The following ANKFN1 variants were observed in gnomAD, a reference collection of about 807,000 sequenced individuals.
ANKFN1 encodes the protein ankyrin repeat and fibronectin type III domain containing 1, also known as ankyrin repeat and fibronectin type-III domain-containing protein 1.
Under a neutral mutation model 108.7 loss-of-function variants are expected in ANKFN1, and 74 were observed. The observed-to-expected ratio is 0.68, with a 90% CI of 0.56 to 0.83. The LOEUF (loss-of-function observed/expected upper bound fraction) is 0.83, where lower values mean the gene tolerates loss of function less well. ANKFN1 is among the 40% of genes least tolerant of loss of function. The pLI is 0.00. For missense variants in ANKFN1, 1,505 were observed against 1,382.3 expected (o/e 1.09, Z -1.41); for synonymous variants, 547 against 516.2 (o/e 1.06, Z -0.81).
intron 1 of ANKFN1, among the ~76,000 whole-genome samples, chr17:56,194,523 T>G (rs1322214215): frequency 6.6e-6 from 1 of 152,204 alleles, no homozygotes; most frequent in Non-Finnish European, 1.5e-5. Flanking sequence ...TGATTCCAAC[T>G]ATATGACTTT....
intron 1 of ANKFN1, among the ~76,000 whole-genome samples, chr17:56,166,042 C>T (rs1420791928): frequency 1.3e-5 from 2 of 152,166 alleles, no homozygotes; most frequent in African/African-American, 2.4e-5. Context: ...GAAAAACTTG[C>T]AGAGCTTCCC....
chr17:56,411,367 G>T (rs1406601995), intron 8 of ANKFN1, among the ~76,000 whole-genome samples: 1 of 152,086 alleles, frequency 6.6e-6, no homozygotes, highest in South Asian at 2.1e-4. Context: ...GAATGTATCA[G>T]TTCTACAGGT....
At chr17:56,399,468 C>T (rs2047684666) in intron 8 of ANKFN1, among the ~76,000 whole-genome samples, 3 of 151,642 alleles carry the variant, frequency 2.0e-5, no homozygotes, top group South Asian at 4.1e-4. Context: ...GTCATAACCC[C>T]TTATTTAGGC....
intron 4 of ANKFN1, among the ~76,000 whole-genome samples, chr17:56,084,552 T>A (rs2143174388): frequency 6.6e-6 from 1 of 151,484 alleles, no homozygotes; most frequent in South Asian, 2.1e-4. Context: ...TCTGAAAATA[T>A]CGAGCTGTGC....
At chr17:56,217,041 T>A (rs1915473784) in intron 2 of ANKFN1, among the ~76,000 whole-genome samples, 1 of 152,206 alleles carries the variant, frequency 6.6e-6, no homozygotes, top group South Asian at 2.1e-4. Flanking sequence ...TGCAAAATCC[T>A]GGGAGATAAC....
intron 8 of ANKFN1, among the ~76,000 whole-genome samples, chr17:56,376,162 C>A (rs1258302680): frequency 6.6e-6 from 1 of 152,056 alleles, no homozygotes; most frequent in South Asian, 2.1e-4. Context: ...AGTGCACATG[C>A]CTTCCTTTCT....
chr17:56,262,266 A>G (rs1272398208), intron 3 of ANKFN1, among the ~76,000 whole-genome samples: 3 of 152,214 alleles, frequency 2.0e-5, no homozygotes, highest in Non-Finnish European at 4.4e-5. Context: ...CATCTGGGGC[A>G]TCCTGCTCCT....
intron 4 of ANKFN1, among the ~76,000 whole-genome samples, chr17:56,348,603 C>G (rs2046165880): frequency 6.6e-6 from 1 of 152,072 alleles, no homozygotes; most frequent in African/African-American, 2.4e-5. Context: ...AAGACATGAA[C>G]AGACACTTCT....
intron 4 of ANKFN1, among the ~76,000 whole-genome samples, chr17:56,098,836 A>T (rs1905584430): frequency 6.7e-6 from 1 of 150,230 alleles, no homozygotes; most frequent in Admixed American, 6.7e-5. Context: ...GTAAATCTCT[A>T]GAAGTCAGAG....
At chr17:56,145,741 A>G (rs1908218484) in intron 4 of ANKFN1, among the ~76,000 whole-genome samples, 1 of 152,206 alleles carries the variant, frequency 6.6e-6, no homozygotes, top group Non-Finnish European at 1.5e-5. Flanking sequence ...TCACATTTCA[A>G]AACCAATCAT....
chr17:56,332,979 G>GTATATATATA lies in ANKFN1; in HGVS notation c.188+6636_188+6645dup, dbSNP rs61494269. On this transcript the variant is annotated intron_variant, in intron 4 of 20. Coordinates refer to ENST00000682825, the MANE Select transcript of ANKFN1 (RefSeq NM_001370326.1). ...ATGAACAAGGTGTGTATATATGTGT[G>GTATATATATA]TATATATATATATATATATATCTTC... Among the ~76,000 whole-genome samples the GTATATATATA allele has an allele frequency of 6.1e-3, 907 of 147,792 alleles. 7 individuals are homozygous for GTATATATATA. Among genetic ancestry groups the GTATATATATA allele is most frequent in the African/African-American group, 0.02 (772 of 39,536 alleles).
chr17:56,145,095 A>G lies in ANKFN1; in HGVS notation c.289-82822A>G, dbSNP rs563480946. Among the ~76,000 whole-genome samples, 8 of 152,298 alleles carry G rather than the reference A, an allele frequency of 5.3e-5. No homozygotes were observed. The South Asian group carries it at 1.5e-3, about 28-fold the overall frequency. On this transcript the variant is annotated intron_variant, in intron 4 of 12. Transcript: ENST00000635860. ...CGTTGCCTTGGCAGAAACACTGCCC[A>G]CACAAAAGGGGTAGGTGTTTTTAAT...
chr17:56,091,719 G>A (rs990010740), intron 4 of ANKFN1, among the ~76,000 whole-genome samples: 6 of 151,462 alleles, frequency 4.0e-5, no homozygotes, highest in African/African-American at 1.2e-4. Context: ...ATCAAAGAGG[G>A]AGATGCTCAG....
intron 14 of ANKFN1, among the ~76,000 whole-genome samples, chr17:56,462,723 C>G (rs2049948856): frequency 6.6e-6 from 1 of 152,188 alleles, no homozygotes; most frequent in Non-Finnish European, 1.5e-5. Flanking sequence ...ACTCTCCTCT[C>G]CTTTCCAGTT....
Position 56,177,590 on chromosome 17 carries a change from A to G in ANKFN1, c.-71+24060A>G, listed in dbSNP as rs191589424. ...CACACATCAGTGACTCCCACGTTCCAGATGACTTAGTTGCAGGAATCAGAA... is the reference window on the plus strand; with the variant it reads ...CACACATCAGTGACTCCCACGTTCCGGATGACTTAGTTGCAGGAATCAGAA... On this transcript the variant is annotated intron_variant, in intron 1 of 20. Coordinates refer to ENST00000682825, the MANE Select transcript of ANKFN1 (RefSeq NM_001370326.1). Among the ~76,000 whole-genome samples the G allele has an allele frequency of 2.0e-5, 3 of 152,342 alleles. No homozygotes were observed. The East Asian group carries it at 5.8e-4, about 29-fold the overall frequency.
chr17:56,326,486 G>A, intron 4 of ANKFN1, 131 bp downstream of exon 4: 2 of 1,183,764 alleles, frequency 1.7e-6, no homozygotes, highest in Non-Finnish European at 2.3e-6. Context: ...AAAGTTAGCT[G>A]CAGGTGGTCC....
chr17:56,165,118 T>C (rs749082756), intron 1 of ANKFN1, among the ~76,000 whole-genome samples: 6 of 152,212 alleles, frequency 3.9e-5, no homozygotes, highest in Non-Finnish European at 7.3e-5. Flanking sequence ...GAATGAAAAT[T>C]GATATTGCTT....
At chr17:56,432,994 A>C (rs1436856583) in intron 8 of ANKFN1, among the ~76,000 whole-genome samples, 4 of 152,160 alleles carry the variant, frequency 2.6e-5, no homozygotes, top group Non-Finnish European at 5.9e-5. Context: ...GGAAAAATCT[A>C]TATATATAGA....
intron 8 of ANKFN1, among the ~76,000 whole-genome samples, chr17:56,399,865 A>G (rs1201251016): frequency 7.0e-6 from 1 of 143,412 alleles, no homozygotes; most frequent in Non-Finnish European, 1.5e-5. Context: ...ATATATATAT[A>G]TATATGTATC....
Sources: allele counts gnomAD v4.1 joint callset (sites outside exome capture counted in the v4.1 genomes callset), GRCh38; gene constraint gnomAD v4.1.1; transcripts MANE v1.5; gene names NCBI Gene and HGNC (gene_info 2026-07-23, HGNC 2026-07-21).